The following ACSS2 variants were observed in gnomAD, a reference collection of about 807,000 sequenced individuals.
ACSS2 encodes the protein acetyl-coenzyme A synthetase, cytoplasmic.
A neutral mutation model predicts 90.6 loss-of-function variants in ACSS2; 58 were observed. That is an observed-to-expected ratio of 0.64 (90% CI 0.52 to 0.80). The LOEUF is 0.80. Among genes scored for constraint, ACSS2 ranks in the 30% least tolerant of loss-of-function variants. The pLI, the probability that ACSS2 is intolerant of heterozygous loss-of-function variation, is 0.00. For synonymous variants in ACSS2, 300 were observed against 330.9 expected, an observed-to-expected ratio of 0.91 and a Z score of 1.01; for missense variants, 759 against 912.0, an observed-to-expected ratio of 0.83 and a Z score of 2.16.
chr20:34,912,751 G>A (rs1165405902), intron 2 of ACSS2, among the ~76,000 whole-genome samples: 1 of 152,178 alleles, frequency 6.6e-6, no homozygotes, highest in East Asian at 1.9e-4. Context: ...GAATAATGCA[G>A]TCTTGATGCC....
chr20:34,903,881 A>C (rs1348364280), intron 2 of ACSS2, among the ~76,000 whole-genome samples: 25 of 151,778 alleles, frequency 1.6e-4, no homozygotes, highest in African/African-American at 6.0e-4. Flanking sequence ...AAAAAAAAAA[A>C]AAAAAAAAAA....
chr20:34,875,231 T>G (rs199961699), upstream of ACSS2: 3 of 528,444 alleles, frequency 5.7e-6, no homozygotes, highest in Non-Finnish European at 1.2e-5. Flanking sequence ...GTGGTGGTGG[T>G]GGTGGGGGTT....
At chr20:34,921,251 T>C (rs1056194307) in intron 10 of ACSS2, 79 bp from the exon 11 acceptor site, 3 of 1,606,890 alleles carry the variant, frequency 1.9e-6, no homozygotes, top group African/African-American at 2.7e-5. Context: ...GAATAGAGGA[T>C]GGGGCAAGAG....
At chr20:34,913,678 A>G (rs1236157544) in intron 4 of ACSS2, 75 bp from the exon 5 acceptor site, 17 of 1,450,688 alleles carry the variant, frequency 1.2e-5, no homozygotes, top group Non-Finnish European at 1.5e-5. Context: ...TGAAAGTTCC[A>G]TGAGCAACCC....
At chr20:34,902,397 TATG>T (rs2080684343) in intron 2 of ACSS2, among the ~76,000 whole-genome samples, 1 of 152,160 alleles carries the variant, frequency 6.6e-6, no homozygotes, top group Non-Finnish European at 1.5e-5. Context: ...TAAGCAGTGT[TATG>T]ATGAATAACA....
At chr20:34,916,245 C>G (rs2081075404) in intron 7 of ACSS2, among the ~76,000 whole-genome samples, 1 of 152,226 alleles carries the variant, frequency 6.6e-6, no homozygotes, top group African/African-American at 2.4e-5. Context: ...AAATTGTAAT[C>G]TCTGGAGCCA....
In ACSS2 at chr20:34,921,424, C is replaced by T. The variant is rs373930264; in HGVS notation, c.1372C>T (p.Arg458Cys). Residue 458 changes from arginine (R) to cysteine (C), a missense_variant, in exon 11 of 18, where the codon CGC becomes TGC. By Grantham distance (180) the Arg-to-Cys change is radical. Coordinates refer to ENST00000360596, the MANE Select transcript of ACSS2 (RefSeq NM_018677.4). ...LWYHRVVGAQRCPIVDTFWQT... is the reference protein window; with the variant it reads ...LWYHRVVGAQCCPIVDTFWQT... The stretch of plus-strand genomic sequence containing the variant: ...GTACCACCGGGTGGTAGGTGCCCAG[C>T]GCTGCCCCATCGTGGACACCTTCTG... 168 of 1,614,208 alleles carry T rather than the reference C, an allele frequency of 1.0e-4. No homozygotes were observed. Among genetic ancestry groups the T allele is most frequent in the South Asian group, 4.4e-4 (40 of 91,086 alleles).
chr20:34,894,637 C>T (rs550720813), intron 2 of ACSS2, among the ~76,000 whole-genome samples: 1 of 152,248 alleles, frequency 6.6e-6, no homozygotes, highest in Non-Finnish European at 1.5e-5. Flanking sequence ...TGCACTCCAG[C>T]CTGGGTGAGA....
chr20:34,923,809 G>GCC (rs1166747590), intron 14 of ACSS2, among the ~76,000 whole-genome samples: 1 of 66,016 alleles, frequency 1.5e-5, no homozygotes, highest in Non-Finnish European at 3.1e-5. Flanking sequence ...TGTCCCCCCC[G>GCC]CCCCCCCCAC....
Position 34,927,283 on chromosome 20 carries a change from G to T in ACSS2, c.*69G>T, listed in dbSNP as rs2081341722. ...TTGCCCATCCTCTTTGCCCCCTCAG[G>T]AGTGCTGAGGGCCAGTGTTGACCCA... On this transcript the variant is annotated 3_prime_UTR_variant, in exon 18 of 18. Transcript: ENST00000360596. The surrounding 1 kb of genome is among the most constrained non-coding windows in gnomAD (Gnocchi z 4.2). 5 of 1,589,006 alleles carry T rather than the reference G, an allele frequency of 3.1e-6. No individual in the cohort carries two copies. The highest frequency in any genetic ancestry group is 4.3e-6 in the Non-Finnish European group (5 of 1,168,162).
Position 34,913,811 on chromosome 20 carries a change from T to A in ACSS2, c.629T>A (p.Leu210His). 6.2e-7 allele frequency: 1 copy of A among 1,614,136 alleles called. No homozygotes were observed. Among genetic ancestry groups the A allele is most frequent in the Non-Finnish European group, 8.5e-7 (1 of 1,179,996 alleles). Residue 210 changes from leucine (L) to histidine (H), a missense_variant, in exon 5 of 18, where the codon CTT (leucine) becomes CAT (histidine). Transcript: ENST00000360596. ...CGGATCTTGGATTCCAGCTGCAGTC[T>A]TCTCATCACTACAGGTGACTAATTC... Reference protein sequence around the residue: ...CERILDSSCSLLITTDAFYRG... With the variant: ...CERILDSSCSHLITTDAFYRG...
chr20:34,882,253 G>C (rs565125487), intron 1 of ACSS2, among the ~76,000 whole-genome samples: 1 of 152,308 alleles, frequency 6.6e-6, no homozygotes, highest in South Asian at 2.1e-4. Context: ...GGTAAAAAGT[G>C]AGTAGGCAGT....
At chr20:34,917,658 T>G (rs972733795) in intron 7 of ACSS2, among the ~76,000 whole-genome samples, 6 of 152,218 alleles carry the variant, frequency 3.9e-5, no homozygotes, top group Admixed American at 2.6e-4. Flanking sequence ...AAGAATCTAA[T>G]TAATATGAAA....
chr20:34,877,444 T>A (rs984044656), intron 1 of ACSS2, among the ~76,000 whole-genome samples: 3 of 152,200 alleles, frequency 2.0e-5, no homozygotes, highest in Non-Finnish European at 4.4e-5. Context: ...GTTGTTTTAT[T>A]TATTTTTTTA....
intron 2 of ACSS2, among the ~76,000 whole-genome samples, chr20:34,885,183 G>C (rs2080160492): frequency 6.6e-6 from 1 of 151,926 alleles, no homozygotes; most frequent in African/African-American, 2.4e-5. Context: ...CTGGGCAACA[G>C]AGCAAGACCC....
intron 2 of ACSS2, among the ~76,000 whole-genome samples, chr20:34,885,104 G>GT (rs2080158591): frequency 6.6e-6 from 1 of 152,152 alleles, no homozygotes. Flanking sequence ...AAAGGCTGTG[G>GT]TGGGAGGATT....
intron 2 of ACSS2, among the ~76,000 whole-genome samples, chr20:34,905,299 C>T (rs1360570067): frequency 3.3e-5 from 5 of 149,516 alleles, no homozygotes; most frequent in African/African-American, 7.4e-5. Context: ...CTCGCTCGGT[C>T]GCCCAGGCTG....
chr20:34,900,536 A>G (rs1026137623), intron 2 of ACSS2, among the ~76,000 whole-genome samples: 1 of 152,072 alleles, frequency 6.6e-6, no homozygotes, highest in Non-Finnish European at 1.5e-5. Flanking sequence ...GTGAGGAATC[A>G]ATGTTTAGGG....
At chr20:34,889,231 T>G (rs1006240821) in intron 2 of ACSS2, among the ~76,000 whole-genome samples, 10 of 151,806 alleles carry the variant, frequency 6.6e-5, no homozygotes, top group Non-Finnish European at 1.2e-4. Flanking sequence ...CACACCATTC[T>G]CCTGCCTCAG....
Sources: gnomAD v4.1 joint callset for allele counts (sites outside exome capture counted in the v4.1 genomes callset) on GRCh38, gnomAD v4.1.1 for gene constraint, Gnocchi (gnomAD v3.1) non-coding constraint, MANE v1.5 for transcripts, NCBI Gene and HGNC (gene_info 2026-07-23, HGNC 2026-07-21) for gene names.